KLK13: variants seen among roughly 807,000 people sequenced by gnomAD.
KLK13 encodes kallikrein related peptidase 13.
KLK13 carries 19 observed loss-of-function variants against 22.4 expected under a neutral mutation model. That is an observed-to-expected ratio of 0.85 (90% CI 0.59 to 1.24). KLK13 has a LOEUF of 1.24. KLK13 is among the 50% of genes most tolerant of loss of function. KLK13 has a pLI of 0.00. For missense variants in KLK13, 311 were observed against 347.9 expected (o/e 0.89, Z 0.84); for synonymous variants, 156 against 141.8 (o/e 1.10, Z -0.71).
Position 51,058,557 on chromosome 19 carries a change from C to A in KLK13, c.626G>T (p.Gly209Val). ...CCTCACCTCACAGGAGTCTTTGCCA[C>A]CCTCTTTTGTGCCGGCACACAACAT... ...DNMLCAGTKE[G>V]GKDSCEGDSG... The change falls in exon 4 of 5, where the codon GGT (glycine) becomes GTT (valine). Residue 209 changes from glycine (G) to valine (V), a missense_variant. By Grantham distance (109) the Gly-to-Val change is moderately radical. Transcript: ENST00000595793. The A allele has an allele frequency of 6.2e-7, 1 of 1,614,214 alleles. No individual in the cohort carries two copies. Among genetic ancestry groups the A allele is most frequent in the South Asian group, 1.1e-5 (1 of 91,072 alleles).
chr19:51,060,575 T>G lies in KLK13; in HGVS notation c.97A>C (p.Ser33Arg). ...GTGTAGCCACCTGGGAGAAACCCACTGGTCCCATTGGTGTTGAGAACCTTG... is the reference window on the plus strand; with the variant it reads ...GTGTAGCCACCTGGGAGAAACCCACGGGTCCCATTGGTGTTGAGAACCTTG... ...SSKVLNTNGT[S>R]GFLPGGYTCF... Residue 33 changes from serine to arginine, a missense_variant, in exon 2 of 5, where the codon AGT becomes CGT. Transcript: ENST00000595793. 6.2e-7 allele frequency: 1 copy of G among 1,612,984 alleles called. No homozygotes were observed. Among genetic ancestry groups the G allele is most frequent in the Non-Finnish European group, 8.5e-7 (1 of 1,179,304 alleles).
Position 51,060,025 on chromosome 19 carries a change from A to G in KLK13, c.308T>C (p.Val103Ala). 1 of 1,613,616 alleles carries G rather than the reference A, an allele frequency of 6.2e-7. No individual in the cohort carries two copies. The highest frequency in any genetic ancestry group is 8.5e-7 in the Non-Finnish European group (1 of 1,179,778). ...TTCAGGGTGGGGGATAGAGTGGACA[A>G]CTTCCCTCACCTGCTCACCAGCTTC... ...RVEAGEQVRE[V>A]VHSIPHPEYR... Residue 103 changes from valine (V) to alanine (A), a missense_variant, in exon 3 of 5, where the codon GTT becomes GCT. Val to Ala is a moderately conservative substitution (Grantham distance 64). Transcript: ENST00000595793.
intron 4 of KLK13, among the ~76,000 whole-genome samples, chr19:51,057,867 C>A (rs965514396): frequency 6.6e-6 from 1 of 152,142 alleles, no homozygotes; most frequent in Non-Finnish European, 1.5e-5. Context: ...TTGTCCCTGC[C>A]CCTCTCCAGC....
chr19:51,064,243 G>T (rs1361759640), intron 1 of KLK13, among the ~76,000 whole-genome samples: 2 of 151,974 alleles, frequency 1.3e-5, no homozygotes, highest in African/African-American at 4.8e-5. Context: ...TGTAATCCTG[G>T]CACTTTGGGA....
intron 1 of KLK13, among the ~76,000 whole-genome samples, chr19:51,062,713 G>C (rs1043972536): frequency 6.6e-6 from 1 of 152,096 alleles, no homozygotes; most frequent in Non-Finnish European, 1.5e-5. Flanking sequence ...CTGTCAAGTA[G>C]AAAAAGTAAT....
chr19:51,062,369 C>G (rs1568590834), intron 1 of KLK13, among the ~76,000 whole-genome samples: 1 of 152,212 alleles, frequency 6.6e-6, no homozygotes, highest in Non-Finnish European at 1.5e-5. Context: ...TCCCCCATTA[C>G]ATTCTTCCAG....
In KLK13 at chr19:51,056,711, A is replaced by T. The variant is rs1174771402; in HGVS notation, c.710T>A (p.Phe237Tyr). 5.0e-6 allele frequency: 8 copies of T among 1,614,164 alleles called. No individual in the cohort carries two copies. The highest frequency in any genetic ancestry group is 5.9e-6 in the Non-Finnish European group (7 of 1,180,010). Reference protein sequence around the residue: ...TLYGIVSWGDFPCGQPDRPGV... With the variant: ...TLYGIVSWGDYPCGQPDRPGV... The stretch of plus-strand genomic sequence containing the variant: ...AGGCCGGTCAGGTTGCCCACATGGG[A>T]AGTCTCCCCAGGAGACGATGCCATA... The change falls in exon 5 of 5, where the codon TTC becomes TAC. Residue 237 changes from phenylalanine to tyrosine, a missense_variant. Transcript: ENST00000595793.
At chr19:51,061,890 C>T (rs2091734597) in intron 1 of KLK13, among the ~76,000 whole-genome samples, 1 of 152,172 alleles carries the variant, frequency 6.6e-6, no homozygotes, top group South Asian at 2.1e-4. Flanking sequence ...TCCTCTAGTC[C>T]AGCCTCATGG....
At chr19:51,056,978 GA>G (rs2091681699) in intron 4 of KLK13, among the ~76,000 whole-genome samples, 1 of 152,148 alleles carries the variant, frequency 6.6e-6, no homozygotes, top group South Asian at 2.1e-4. Flanking sequence ...AACACAGAGG[GA>G]CAGACAGCAA....
chr19:51,059,871 G>T lies in KLK13; in HGVS notation c.462C>A (p.Gly154=). The change falls in exon 3 of 5, where the codon GGC becomes GGA. Residue 154 remains glycine (G), a synonymous_variant. Coordinates refer to ENST00000595793, the MANE Select transcript of KLK13 (RefSeq NM_015596.3). ...CCCAGCCAGACACCCGACAGGTGGT[G>T]CCAGGGGTTAGGCGGTTGTTGTGGG... ...PLSHNNRLTP[G]TTCRVSGWGT... is the part of the protein sequence containing the mutation. 1 of 1,604,614 alleles carries T rather than the reference G, an allele frequency of 6.2e-7. No individual in the cohort carries two copies. Among genetic ancestry groups the T allele is most frequent in the Non-Finnish European group, 8.5e-7 (1 of 1,174,848 alleles).
chr19:51,063,690 G>T (rs779438433), intron 1 of KLK13: 36 of 456,616 alleles, frequency 7.9e-5, no homozygotes, highest in Non-Finnish European at 1.3e-4. Context: ...AGTGTCGCCA[G>T]AGGAGAAAAG....
intron 1 of KLK13, among the ~76,000 whole-genome samples, chr19:51,061,106 TATCCATCC>T (rs1269618801): frequency 2.6e-5 from 4 of 151,650 alleles, no homozygotes; most frequent in Non-Finnish European, 5.9e-5. Flanking sequence ...TCTAACCATC[TATCCATCC>T]ATCCATCCAT....
chr19:51,063,442 C>A, intron 1 of KLK13: 1 of 319,080 alleles, frequency 3.1e-6, no homozygotes, highest in Non-Finnish European at 6.2e-6. Flanking sequence ...GTTTTCAGAG[C>A]CTCAAGTCCA....
At position 51,056,567 on chromosome 19, in the gene KLK13, G is replaced by A; in HGVS notation, c.*20C>T. ...AGGAAGTCATGGTGACAGGATGGAA[G>A]CCGGTACATTTCTCAACTTTTATTG... On this transcript the variant is annotated 3_prime_UTR_variant, in exon 5 of 5. Transcript: ENST00000595793. The A allele has an allele frequency of 6.2e-7, 1 of 1,612,528 alleles. No homozygotes were observed. Among genetic ancestry groups the A allele is most frequent in the Non-Finnish European group, 8.5e-7 (1 of 1,178,732 alleles).
At chr19:51,064,879 G>C in intron 1 of KLK13, 137 bp downstream of exon 1, 1 of 721,838 alleles carries the variant, frequency 1.4e-6, no homozygotes, top group Non-Finnish European at 2.3e-6. Context: ...GAAGAGCTCT[G>C]AGCTGTCCCC....
At chr19:51,058,391 T>C (rs926376949) in intron 4 of KLK13, 147 bp downstream of exon 4, 3 of 907,216 alleles carry the variant, frequency 3.3e-6, no homozygotes, top group Non-Finnish European at 5.1e-6. Context: ...GTACCCCTTT[T>C]TGTCTTGACC....
intron 1 of KLK13, among the ~76,000 whole-genome samples, chr19:51,063,197 T>C (rs995813810): frequency 6.6e-6 from 1 of 152,138 alleles, no homozygotes; most frequent in East Asian, 1.9e-4. Context: ...AAAGTTGTTT[T>C]AGGAAGGTCA....
At chr19:51,058,703 T>C in intron 3 of KLK13, 29 bp from the exon 4 acceptor site, 1 of 1,612,910 alleles carries the variant, frequency 6.2e-7, no homozygotes, top group Admixed American at 1.7e-5. Context: ...AGGTCTAAGG[T>C]ATCCGACCTG....
intron 3 of KLK13, among the ~76,000 whole-genome samples, chr19:51,059,442 T>G (rs888038838): frequency 1.4e-5 from 2 of 145,844 alleles, no homozygotes; most frequent in Non-Finnish European, 3.0e-5. Context: ...ATAGATTATA[T>G]ATAATATATA....
Sources: gnomAD v4.1 joint callset for allele counts (sites outside exome capture counted in the v4.1 genomes callset) on GRCh38, gnomAD v4.1.1 for gene constraint, MANE v1.5 for transcripts, NCBI Gene and HGNC (gene_info 2026-07-23, HGNC 2026-07-21) for gene names.